RIMS1: variants seen among roughly 807,000 people sequenced by gnomAD.
RIMS1 encodes the protein regulating synaptic membrane exocytosis 1.
A neutral mutation model predicts 214.1 loss-of-function variants in RIMS1; 83 were observed. That is an observed-to-expected ratio of 0.39 (90% CI 0.32 to 0.47). The LOEUF is 0.47. Among genes scored for constraint, RIMS1 ranks in the 20% least tolerant of loss-of-function variants. RIMS1 has a pLI of 0.99. For missense variants in RIMS1, 2,050 were observed against 2,161.8 expected (o/e 0.95, Z 1.03); for synonymous variants, 793 against 786.8 (o/e 1.01, Z -0.13).
intron 4 of RIMS1, among the ~76,000 whole-genome samples, chr6:72,150,285 G>A (rs527979957): frequency 1.3e-5 from 2 of 152,282 alleles, no homozygotes; most frequent in South Asian, 4.1e-4. Context: ...TGTAAAATAT[G>A]TGAAGGGTGA....
At chr6:72,198,190 A>G (rs1730038247) in intron 6 of RIMS1, among the ~76,000 whole-genome samples, 1 of 152,116 alleles carries the variant, frequency 6.6e-6, no homozygotes, top group Non-Finnish European at 1.5e-5. Context: ...TAGCAAAGAT[A>G]CTGAATCAAA....
At chr6:72,302,278 C>T (rs1425734871) in intron 26 of RIMS1, among the ~76,000 whole-genome samples, 1 of 151,434 alleles carries the variant, frequency 6.6e-6, no homozygotes, top group East Asian at 1.9e-4. Context: ...ATAAACAATT[C>T]CTATTTCTCT....
At chr6:72,162,007 A>T (rs1363977215) in intron 4 of RIMS1, among the ~76,000 whole-genome samples, 1 of 140,248 alleles carries the variant, frequency 7.1e-6, no homozygotes, top group Non-Finnish European at 1.6e-5. Context: ...TCCCATTATT[A>T]TTGTATGGGA....
At chr6:72,170,751 A>C (rs536920813) in intron 4 of RIMS1, among the ~76,000 whole-genome samples, 31 of 152,330 alleles carry the variant, frequency 2.0e-4, no homozygotes, top group African/African-American at 7.0e-4. Flanking sequence ...TGCCTAACAC[A>C]TAACAGGCAC....
intron 29 of RIMS1, among the ~76,000 whole-genome samples, chr6:72,354,152 A>G (rs1236128399): frequency 6.6e-6 from 1 of 152,154 alleles, no homozygotes; most frequent in Non-Finnish European, 1.5e-5. Flanking sequence ...CCTGGGAGGC[A>G]GAGGTTGCAG....
At chr6:72,235,543 G>A (rs960656233) in intron 7 of RIMS1, 75 bp from the exon 8 acceptor site, 2 of 921,386 alleles carry the variant, frequency 2.2e-6, no homozygotes, top group Non-Finnish European at 3.4e-6. Flanking sequence ...CTAATGACAA[G>A]ACTTCATTCT....
intron 2 of RIMS1, among the ~76,000 whole-genome samples, chr6:71,986,648 A>G (rs906571111): frequency 2.6e-5 from 4 of 152,256 alleles, no homozygotes; most frequent in Admixed American, 1.3e-4. Flanking sequence ...TGAGAGAGAA[A>G]CAAAAGATGT....
intron 8 of RIMS1, among the ~76,000 whole-genome samples, chr6:72,236,090 T>C (rs2063916602): frequency 6.6e-6 from 1 of 152,122 alleles, no homozygotes; most frequent in Non-Finnish European, 1.5e-5. Context: ...GTCTTATTGA[T>C]TATTACCATT....
intron 29 of RIMS1, among the ~76,000 whole-genome samples, chr6:72,337,515 A>G (rs1211139915): frequency 6.6e-6 from 1 of 151,266 alleles, no homozygotes; most frequent in Non-Finnish European, 1.5e-5. Context: ...AGTGTATACA[A>G]TTTCACTCCT....
intron 11 of RIMS1, among the ~76,000 whole-genome samples, chr6:72,246,899 T>C (rs929876336): frequency 1.2e-4 from 18 of 152,200 alleles, no homozygotes; most frequent in African/African-American, 3.9e-4. Flanking sequence ...AAAAGACACA[T>C]AGTAACAATT....
chr6:72,263,343 G>A, intron 19 of RIMS1: 1 of 985,092 alleles, frequency 1.0e-6, no homozygotes, highest in South Asian at 4.7e-5. Context: ...GTATCCTACT[G>A]TGTCCTAAAT....
intron 2 of RIMS1, among the ~76,000 whole-genome samples, chr6:71,983,739 G>A (rs1156978127): frequency 1.3e-5 from 2 of 152,120 alleles, no homozygotes; most frequent in Non-Finnish European, 2.9e-5. Context: ...CAGATTTTAT[G>A]TCTACTAACT....
chr6:72,099,973 A>T lies in RIMS1; in HGVS notation c.460-2A>T. On this transcript the variant is annotated splice_acceptor_variant, in intron 3 of 33. Coordinates refer to ENST00000521978, the MANE Select transcript of RIMS1 (RefSeq NM_014989.7). LOFTEE classifies it high-confidence loss of function. The stretch of plus-strand genomic sequence containing the variant: ...TCTGCTTCCTTGGATGCTTTCCCAA[A>T]GGAGGACAAAGTGGTTAGAATCCAT... The T allele has an allele frequency of 6.2e-7, 1 of 1,605,908 alleles. No individual in the cohort carries two copies.
intron 29 of RIMS1, among the ~76,000 whole-genome samples, chr6:72,380,810 G>A (rs1260114513): frequency 6.6e-6 from 1 of 152,042 alleles, no homozygotes; most frequent in African/African-American, 2.4e-5. Flanking sequence ...GGGATTACAG[G>A]CATAAGCCAC....
chr6:72,106,098 A>G (rs2034685540), intron 4 of RIMS1, among the ~76,000 whole-genome samples: 1 of 152,194 alleles, frequency 6.6e-6, no homozygotes. Context: ...TAACAAATAC[A>G]TTTATTCATT....
intron 24 of RIMS1, among the ~76,000 whole-genome samples, chr6:72,287,761 T>A (rs1206199740): frequency 6.6e-6 from 1 of 152,100 alleles, no homozygotes. Flanking sequence ...GCCCGGCTAA[T>A]TTTTGTATTT....
At chr6:72,347,838 T>C (rs1486566150) in intron 29 of RIMS1, among the ~76,000 whole-genome samples, 2 of 151,938 alleles carry the variant, frequency 1.3e-5, no homozygotes, top group Non-Finnish European at 2.9e-5. Context: ...AGTAATTTTT[T>C]TAAGTCCTAT....
At chr6:72,107,469 G>A (rs991946612) in intron 4 of RIMS1, among the ~76,000 whole-genome samples, 4 of 152,152 alleles carry the variant, frequency 2.6e-5, no homozygotes, top group Admixed American at 6.5e-5. Context: ...GCTGAAGTGG[G>A]AGGATTGCTT....
chr6:71,972,533 A>G (rs1796112620), intron 2 of RIMS1, among the ~76,000 whole-genome samples: 2 of 152,196 alleles, frequency 1.3e-5, no homozygotes, highest in Admixed American at 1.3e-4. Flanking sequence ...TTTGATAACT[A>G]TGTACATAAA....
Sources: allele counts gnomAD v4.1 joint callset (sites outside exome capture counted in the v4.1 genomes callset), GRCh38; gene constraint gnomAD v4.1.1; transcripts MANE v1.5; gene names NCBI Gene and HGNC (gene_info 2026-07-23, HGNC 2026-07-21).